The following GPD2 variants were observed in gnomAD, a reference collection of about 807,000 sequenced individuals.
GPD2 encodes the protein glycerol-3-phosphate dehydrogenase 2.
A neutral mutation model predicts 82.4 loss-of-function variants in GPD2; 54 were observed. The ratio of observed to expected loss-of-function variants is 0.66; its 90% CI spans 0.53 to 0.82. The LOEUF (loss-of-function observed/expected upper bound fraction) is 0.82. Ranked by LOEUF, GPD2 falls within the 40% of genes least tolerant of loss-of-function variation. The pLI, the probability that GPD2 is intolerant of heterozygous loss-of-function variation, is 0.00. For synonymous variants in GPD2, 288 were observed against 306.1 expected (o/e 0.94, Z 0.62); for missense variants, 748 against 896.2 (o/e 0.83, Z 2.11).
the GPD2 span, among the ~76,000 whole-genome samples, chr2:156,429,261 A>C: frequency 1.3e-5 from 2 of 152,214 alleles, no homozygotes; most frequent in Non-Finnish European, 2.9e-5. Context: ...CTCTTTCACT[A>C]GGATGATAAC....
At chr2:156,569,211 A>G (rs558422615) in intron 10 of GPD2, 152 bp from the exon 11 acceptor site, 5 of 689,698 alleles carry the variant, frequency 7.2e-6, no homozygotes, top group African/African-American at 3.6e-5. Flanking sequence ...TTTATTGAAC[A>G]AGCATTTTTT....
chr2:156,538,248 T>G (rs1686154599), intron 6 of GPD2, among the ~76,000 whole-genome samples: 1 of 152,204 alleles, frequency 6.6e-6, no homozygotes, highest in Non-Finnish European at 1.5e-5. Context: ...GTGATCGGGC[T>G]CTGGTAAATT....
At chr2:156,532,013 CT>C (rs11320789) in intron 6 of GPD2, among the ~76,000 whole-genome samples, 98,687 of 151,380 alleles carry the variant, frequency 0.65, 32,862 homozygotes, top group Middle Eastern at 0.8. Context: ...TTTATTTTTA[CT>C]TTTTTAAGTG....
the GPD2 span, among the ~76,000 whole-genome samples, chr2:156,404,287 G>C: frequency 1.3e-5 from 2 of 152,258 alleles, no homozygotes; most frequent in Admixed American, 1.3e-4. Flanking sequence ...GGGAGACTAA[G>C]GTTGGAGGGT....
intron 12 of GPD2, 99 bp from the exon 13 acceptor site, chr2:156,571,035 C>A (rs750853046): frequency 2.1e-5 from 18 of 860,872 alleles, no homozygotes; most frequent in African/African-American, 8.3e-5. Context: ...AAAAATATTA[C>A]CTTTGTGAAG....
At chr2:156,527,332 C>T (rs1038141284) in intron 6 of GPD2, among the ~76,000 whole-genome samples, 4 of 151,172 alleles carry the variant, frequency 2.6e-5, no homozygotes, top group African/African-American at 9.7e-5. Context: ...AGATTATATT[C>T]TCTGGAGCCA....
intron 2 of GPD2, among the ~76,000 whole-genome samples, chr2:156,487,380 C>A (rs1446260840): frequency 6.6e-6 from 1 of 152,096 alleles, no homozygotes; most frequent in Non-Finnish European, 1.5e-5. Flanking sequence ...ATGTGGTTGG[C>A]TTTAGGTGAG....
rs2105241084 is a variant in GPD2, at chr2:156,496,038, C to T, written c.103-6C>T. 1 of 1,606,720 alleles carries T rather than the reference C, an allele frequency of 6.2e-7. No individual in the cohort carries two copies. The highest frequency in any genetic ancestry group is 1.1e-5 in the South Asian group (1 of 90,892). ...GACAACTGAAAGTGATCTGCTTTTA[C>T]ATCAGATGAACCTGGCCTATGTTAA... On this transcript the variant is annotated splice_region_variant and splice_polypyrimidine_tract_variant and intron_variant, in intron 2 of 16. Coordinates refer to ENST00000438166, the MANE Select transcript of GPD2 (RefSeq NM_000408.5).
At chr2:156,537,684 A>T (rs879754125) in intron 6 of GPD2, among the ~76,000 whole-genome samples, 1 of 152,218 alleles carries the variant, frequency 6.6e-6, no homozygotes, top group African/African-American at 2.4e-5. Context: ...TCAGAGACAA[A>T]GGGAGTATTT....
intron 2 of GPD2, among the ~76,000 whole-genome samples, chr2:156,485,107 T>G (rs1240442648): frequency 6.6e-6 from 1 of 152,254 alleles, no homozygotes; most frequent in African/African-American, 2.4e-5. Context: ...TTCTTCTTCT[T>G]TAAGGCTGAA....
intron 3 of GPD2, among the ~76,000 whole-genome samples, chr2:156,510,504 G>C (rs1376574468): frequency 3.9e-5 from 6 of 152,172 alleles, no homozygotes; most frequent in African/African-American, 1.4e-4. Flanking sequence ...TCTCTCCTTT[G>C]ACCTTCTAAG....
At chr2:156,541,848 G>GTTTTTT (rs1686335422) in intron 6 of GPD2, among the ~76,000 whole-genome samples, 1 of 6,486 alleles carries the variant, frequency 1.5e-4, no homozygotes, top group African/African-American at 5.9e-4. Context: ...TTTTTTTTTG[G>GTTTTTT]CTGTGGTCGA....
Position 156,513,506 on chromosome 2 carries a change from G to T in GPD2, c.661+10G>T, listed in dbSNP as rs75284405. 3.5e-4 allele frequency: 488 copies of T among 1,386,614 alleles called. No individual in the cohort carries two copies. Among genetic ancestry groups the T allele is most frequent in the African/African-American group, 2.2e-3 (136 of 60,704 alleles). 85.9% of individuals were successfully genotyped at this position (1,386,614 alleles called of 1,614,324 possible). On this transcript the variant is annotated intron_variant, in intron 6 of 16. Transcript: ENST00000438166. Reference sequence around the variant, plus strand: ...ATTGTCTACTATGACGGTATGTGATGTTTTTTTTTTTTTTCCTCACAAGAT... The same window carrying T: ...ATTGTCTACTATGACGGTATGTGATTTTTTTTTTTTTTTTCCTCACAAGAT...
At chr2:156,571,661 A>T (rs571653184) in intron 13 of GPD2, among the ~76,000 whole-genome samples, 1 of 152,264 alleles carries the variant, frequency 6.6e-6, no homozygotes, top group Non-Finnish European at 1.5e-5. Context: ...TTTCTGCCTG[A>T]GCACTAAATG....
At chr2:156,548,866 A>G (rs1686647854) in intron 6 of GPD2, among the ~76,000 whole-genome samples, 1 of 152,114 alleles carries the variant, frequency 6.6e-6, no homozygotes, top group Non-Finnish European at 1.5e-5. Context: ...CACTGGCAAT[A>G]ATAAATAGAA....
chr2:156,480,482 A>C (rs1683686372), intron 2 of GPD2, among the ~76,000 whole-genome samples: 1 of 152,120 alleles, frequency 6.6e-6, no homozygotes, highest in African/African-American at 2.4e-5. Context: ...CTAGGTCCTA[A>C]CTGGAAAAAC....
intron 2 of GPD2, among the ~76,000 whole-genome samples, chr2:156,479,430 C>A (rs946735847): frequency 6.6e-6 from 1 of 152,136 alleles, no homozygotes; most frequent in East Asian, 1.9e-4. Context: ...TTTCTTCATA[C>A]AAGCATATTA....
chr2:156,569,268 C>G (rs1687515054), intron 10 of GPD2, 95 bp from the exon 11 acceptor site: 2 of 844,698 alleles, frequency 2.4e-6, no homozygotes, highest in Non-Finnish European at 4.1e-6. Context: ...TTACAAACAA[C>G]AGGAAAATTT....
intron 6 of GPD2, among the ~76,000 whole-genome samples, chr2:156,539,459 A>G (rs989152751): frequency 2.6e-5 from 4 of 152,164 alleles, no homozygotes; most frequent in Non-Finnish European, 5.9e-5. Flanking sequence ...TTCCTTTCAG[A>G]CAATCAGGAC....
Sources: allele counts gnomAD v4.1 joint callset (sites outside exome capture counted in the v4.1 genomes callset), GRCh38; gene constraint gnomAD v4.1.1; transcripts MANE v1.5; gene names NCBI Gene and HGNC (gene_info 2026-07-23, HGNC 2026-07-21).